The following CSMD2 variants were observed in gnomAD, a reference collection of about 807,000 sequenced individuals.
The protein encoded by CSMD2 is CUB and Sushi multiple domains 2, also known as CUB and sushi domain-containing protein 2.
Under a neutral mutation model 398.5 loss-of-function variants are expected in CSMD2, and 130 were observed. That is an observed-to-expected ratio of 0.33 (90% CI 0.28 to 0.38). CSMD2 has a LOEUF of 0.38. CSMD2 is among the 10% of genes least tolerant of loss of function. CSMD2 has a pLI of 1.00. For missense variants in CSMD2, 3,829 were observed against 4,764.9 expected (o/e 0.80, Z 5.78); for synonymous variants, 1,828 against 1,908.5 (o/e 0.96, Z 1.10).
At chr1:33,971,872 G>C (rs1398217950) in intron 3 of CSMD2, among the ~76,000 whole-genome samples, 1 of 152,184 alleles carries the variant, frequency 6.6e-6, no homozygotes, top group Non-Finnish European at 1.5e-5. Flanking sequence ...AGAGGCAAAG[G>C]AGAATTTGGG....
chr1:33,989,550 T>C (rs572928388), intron 3 of CSMD2, among the ~76,000 whole-genome samples: 1 of 152,304 alleles, frequency 6.6e-6, no homozygotes, highest in South Asian at 2.1e-4. Flanking sequence ...GGTTTACTTA[T>C]AATGACCCCA....
chr1:33,557,534 A>G (rs571626209), intron 55 of CSMD2, among the ~76,000 whole-genome samples, 200 bp downstream of exon 55: 1 of 152,222 alleles, frequency 6.6e-6, no homozygotes, highest in African/African-American at 2.4e-5. Context: ...TATGGAAGTC[A>G]CCCAACAGAG....
At chr1:34,133,861 G>A (rs1228964413) in intron 1 of CSMD2, among the ~76,000 whole-genome samples, 1 of 151,900 alleles carries the variant, frequency 6.6e-6, no homozygotes, top group Non-Finnish European at 1.5e-5. Flanking sequence ...ACGAGGTCAG[G>A]AGATTGAGAC....
intron 1 of CSMD2, among the ~76,000 whole-genome samples, chr1:34,108,695 G>C (rs899887754): frequency 6.6e-6 from 1 of 152,022 alleles, no homozygotes; most frequent in Non-Finnish European, 1.5e-5. Context: ...AGGGAAAGAG[G>C]CTGAAGAGGG....
intron 5 of CSMD2, among the ~76,000 whole-genome samples, chr1:33,891,475 G>A (rs1033368830): frequency 1.3e-5 from 2 of 151,628 alleles, no homozygotes; most frequent in Non-Finnish European, 2.9e-5. Context: ...TTCAACCACT[G>A]TGGAAGTCAG....
chr1:33,935,978 G>A (rs374671081), intron 3 of CSMD2, 24 bp from the exon 4 acceptor site: 23 of 1,588,988 alleles, frequency 1.4e-5, no homozygotes, highest in Admixed American at 8.6e-5. Context: ...CAGAGAAAGA[G>A]ACGGGTACCC....
At chr1:33,977,665 C>CG (rs1225637159) in intron 3 of CSMD2, among the ~76,000 whole-genome samples, 2 of 151,920 alleles carry the variant, frequency 1.3e-5, no homozygotes, top group Admixed American at 6.5e-5. Flanking sequence ...TTGCCAGCTC[C>CG]TGCTCCTGCT....
chr1:34,009,356 G>C (rs1647169263), intron 3 of CSMD2, among the ~76,000 whole-genome samples: 1 of 150,720 alleles, frequency 6.6e-6, no homozygotes, highest in Non-Finnish European at 1.5e-5. Flanking sequence ...GTCGGGGGTG[G>C]GGGAAGGTGG....
At chr1:33,534,246 A>G (rs1655549038) in intron 62 of CSMD2, among the ~76,000 whole-genome samples, 1 of 152,222 alleles carries the variant, frequency 6.6e-6, no homozygotes, top group South Asian at 2.1e-4. Flanking sequence ...TAGTCTTCCT[A>G]AGGATACAGT....
At chr1:33,542,277 A>G (rs1656422955) in intron 58 of CSMD2, among the ~76,000 whole-genome samples, 1 of 152,236 alleles carries the variant, frequency 6.6e-6, no homozygotes, top group Non-Finnish European at 1.5e-5. Flanking sequence ...GGTCGGGTAC[A>G]AGGACAGAAC....
At chr1:33,818,831 G>C (rs1251852311) in intron 9 of CSMD2, among the ~76,000 whole-genome samples, 3 of 152,176 alleles carry the variant, frequency 2.0e-5, no homozygotes, top group Admixed American at 1.3e-4. Context: ...ATAATAATGA[G>C]ATATTATTTT....
Position 33,716,615 on chromosome 1 carries a change from G to A in CSMD2, c.3002-114C>T, listed in dbSNP as rs1571324496. On this transcript the variant is annotated intron_variant, in intron 19 of 70. Transcript: ENST00000373381. ...TTTGCAAATGTCTATCTGTGTGTAT[G>A]ACTACAAGCATGCATTGACAAATCA... is the stretch of plus-strand genomic sequence containing the variant. 9.6e-6 allele frequency: 7 copies of A among 727,144 alleles called. No homozygotes were observed. In the East Asian group the frequency reaches 1.9e-4, roughly 20 times the overall value. The allele number at this position is 727,144 out of a possible 1,614,324, so 45.0% of individuals were successfully genotyped here.
At chr1:33,945,161 C>T (rs1246900638) in intron 3 of CSMD2, among the ~76,000 whole-genome samples, 2 of 151,956 alleles carry the variant, frequency 1.3e-5, no homozygotes, top group Non-Finnish European at 2.9e-5. Context: ...AAAGAAGCAC[C>T]ACCAAGAAGG....
At chr1:34,138,882 T>A (rs1300926951) in intron 1 of CSMD2, among the ~76,000 whole-genome samples, 6 of 152,222 alleles carry the variant, frequency 3.9e-5, no homozygotes, top group Admixed American at 6.5e-5. Flanking sequence ...ATAAATATGA[T>A]CTTCTTGTGT....
intron 55 of CSMD2, among the ~76,000 whole-genome samples, chr1:33,554,163 T>C (rs1214691709): frequency 6.6e-6 from 1 of 151,276 alleles, no homozygotes; most frequent in Non-Finnish European, 1.5e-5. Flanking sequence ...AAACAACAGA[T>C]TTTAAAGGTA....
At chr1:33,545,920 G>T in intron 57 of CSMD2, 117 bp downstream of exon 57, 1 of 931,906 alleles carries the variant, frequency 1.1e-6, no homozygotes, top group Admixed American at 2.3e-5. Flanking sequence ...CAGGCTGAGG[G>T]TTCAAATGGG....
At chr1:33,967,097 T>C (rs896138089) in intron 3 of CSMD2, among the ~76,000 whole-genome samples, 6 of 152,196 alleles carry the variant, frequency 3.9e-5, no homozygotes, top group Admixed American at 2.0e-4. Context: ...TCCATGCGAA[T>C]GTGTTGGTCA....
rs374093171 is a variant in CSMD2 at position 33,681,847 on chromosome 1, C to T, written c.4052+11083G>A. On this transcript the variant is annotated intron_variant, in intron 25 of 70. Coordinates refer to ENST00000373381, the MANE Select transcript of CSMD2 (RefSeq NM_001281956.2). ...CAGGTGTGGTGGCAGGTGCCTTTAA[C>T]CCCAGGTACTTGGGAGGCTGAGGTC... Among the ~76,000 whole-genome samples the T allele has an allele frequency of 3.9e-5, 6 of 152,122 alleles. No individual in the cohort carries two copies. The South Asian group carries it at 1.2e-3, about 32-fold the overall frequency.
At chr1:33,852,831 T>C (rs1351424679) in intron 5 of CSMD2, among the ~76,000 whole-genome samples, 2 of 152,240 alleles carry the variant, frequency 1.3e-5, no homozygotes, top group African/African-American at 4.8e-5. Flanking sequence ...AAATATGGTT[T>C]TACCAGATTG....
Sources: gnomAD v4.1 joint callset for allele counts (sites outside exome capture counted in the v4.1 genomes callset) on GRCh38, gnomAD v4.1.1 for gene constraint, MANE v1.5 for transcripts, NCBI Gene and HGNC (gene_info 2026-07-23, HGNC 2026-07-21) for gene names.